Variants in NR2F1-AS1 observed in about 807,000 individuals in gnomAD.
NR2F1-AS1 encodes the protein NR2F1 regulatory antisense RNA 1, also known as NR2F1 antisense RNA 1.
upstream of NR2F1-AS1, chr5:93,585,536 GCT>G (rs1491193802): frequency 6.7e-7 from 1 of 1,485,782 alleles, no homozygotes; most frequent in Non-Finnish European, 9.3e-7. Context: ...CGCCTCCCTG[GCT>G]CTTTCTTTCT....
intron 4 of NR2F1-AS1, among the ~76,000 whole-genome samples, chr5:93,454,753 T>C (rs1464690322): frequency 6.6e-6 from 1 of 152,110 alleles, no homozygotes; most frequent in Non-Finnish European, 1.5e-5. Context: ...AATGACTTAA[T>C]CAATCATGCC....
intron 2 of NR2F1-AS1, chr5:93,563,297 C>T (rs1404220641): frequency 6.6e-5 from 10 of 152,170 alleles, no homozygotes; most frequent in Admixed American, 6.5e-4. Context: ...ACTATATATT[C>T]TTGTGTTTCA....
At chr5:93,581,885 TCG>T (rs1561520269), upstream of NR2F1-AS1, among the ~76,000 whole-genome samples, 1 of 83,182 alleles carries the variant, frequency 1.2e-5, no homozygotes, top group African/African-American at 5.0e-5. Flanking sequence ...CCTCTCTCTC[TCG>T]GTCTCTCTCT....
chr5:93,495,833 A>G (rs1263651104), intron 4 of NR2F1-AS1, among the ~76,000 whole-genome samples: 1 of 152,138 alleles, frequency 6.6e-6, no homozygotes. Context: ...ATCACTAGTT[A>G]TCGCTTATTT....
chr5:93,510,214 T>G (rs1047058840), intron 4 of NR2F1-AS1, among the ~76,000 whole-genome samples: 1 of 152,092 alleles, frequency 6.6e-6, no homozygotes, highest in African/African-American at 2.4e-5. Flanking sequence ...TATATTAACT[T>G]TGTGTGTTCT....
chr5:93,443,774 GA>G (rs1299193661), intron 4 of NR2F1-AS1, among the ~76,000 whole-genome samples: 1 of 152,100 alleles, frequency 6.6e-6, no homozygotes, highest in Admixed American at 6.5e-5. Flanking sequence ...TGAAATGAAG[GA>G]AAAAATATTA....
chr5:93,492,081 T>C (rs536669805), intron 4 of NR2F1-AS1, among the ~76,000 whole-genome samples: 139 of 152,278 alleles, frequency 9.1e-4, no homozygotes, highest in African/African-American at 3.2e-3. Flanking sequence ...AAAAGAAAGA[T>C]GAAAATAACT....
chr5:93,556,144 C>T (rs895299659), intron 2 of NR2F1-AS1, among the ~76,000 whole-genome samples: 2 of 152,134 alleles, frequency 1.3e-5, no homozygotes, highest in African/African-American at 4.8e-5. Context: ...CTCTCTGGCC[C>T]CGAATGCCCA....
chr5:93,422,208 A>T (rs892059469), intron 4 of NR2F1-AS1: 1 of 152,252 alleles, frequency 6.6e-6, no homozygotes, highest in Non-Finnish European at 1.5e-5. Flanking sequence ...CCACATCAAA[A>T]TTAGCAACGA....
At chr5:93,506,647 C>T (rs1751191131) in intron 4 of NR2F1-AS1, among the ~76,000 whole-genome samples, 6 of 152,098 alleles carry the variant, frequency 3.9e-5, no homozygotes, top group Admixed American at 3.9e-4. Context: ...GAGACTTAGT[C>T]TCGTGATAAA....
chr5:93,515,965 T>C (rs1355950808), intron 4 of NR2F1-AS1, among the ~76,000 whole-genome samples: 1 of 151,884 alleles, frequency 6.6e-6, no homozygotes. Flanking sequence ...CAGAAATTAA[T>C]AACCATGTAA....
intron 4 of NR2F1-AS1, among the ~76,000 whole-genome samples, chr5:93,520,986 T>C (rs998268751): frequency 1.3e-5 from 2 of 152,082 alleles, no homozygotes; most frequent in African/African-American, 4.8e-5. Context: ...GAGTCAATGG[T>C]ATACAAAACA....
chr5:93,444,171 T>A (rs1020845450), intron 4 of NR2F1-AS1, among the ~76,000 whole-genome samples: 2 of 152,172 alleles, frequency 1.3e-5, no homozygotes, highest in Non-Finnish European at 1.5e-5. Flanking sequence ...GCTAACATCA[T>A]AATGATGGGA....
chr5:93,550,726 A>G (rs1028570571), intron 4 of NR2F1-AS1, among the ~76,000 whole-genome samples: 1 of 152,182 alleles, frequency 6.6e-6, no homozygotes, highest in African/African-American at 2.4e-5. Flanking sequence ...AGTGCATTTC[A>G]TTTTTTTAAA....
At chr5:93,465,808 G>A (rs1750216618) in intron 4 of NR2F1-AS1, among the ~76,000 whole-genome samples, 1 of 151,456 alleles carries the variant, frequency 6.6e-6, no homozygotes, top group African/African-American at 2.4e-5. Flanking sequence ...ATCATTCCCA[G>A]CAAACTATCA....
At chr5:93,528,960 T>C (rs1008116638) in intron 4 of NR2F1-AS1, among the ~76,000 whole-genome samples, 1 of 152,118 alleles carries the variant, frequency 6.6e-6, no homozygotes, top group African/African-American at 2.4e-5. Context: ...GATGGGTTGA[T>C]GGGTGCAGCA....
At chr5:93,537,512 C>A (rs1045455038) in intron 4 of NR2F1-AS1, among the ~76,000 whole-genome samples, 10 of 152,090 alleles carry the variant, frequency 6.6e-5, no homozygotes, top group Admixed American at 5.9e-4. Flanking sequence ...ATAGACATTT[C>A]TCAAAAGACA....
intron 4 of NR2F1-AS1, among the ~76,000 whole-genome samples, chr5:93,419,302 G>T (rs1373384660): frequency 6.6e-6 from 1 of 152,192 alleles, no homozygotes; most frequent in Non-Finnish European, 1.5e-5. Context: ...AGAAATATAT[G>T]TGTACAAAGG....
chr5:93,470,086 A>G (rs762225077), intron 4 of NR2F1-AS1, among the ~76,000 whole-genome samples: 1 of 152,056 alleles, frequency 6.6e-6, no homozygotes, highest in South Asian at 2.1e-4. Context: ...AAATATTTAC[A>G]GGACAGAAAT....
Sources: gnomAD v4.1 joint callset for allele counts (sites outside exome capture counted in the v4.1 genomes callset) on GRCh38, gnomAD v4.1.1 for gene constraint, MANE v1.5 for transcripts, NCBI Gene and HGNC (gene_info 2026-07-23, HGNC 2026-07-21) for gene names.